TMCO4: variants seen among roughly 807,000 people sequenced by gnomAD.
TMCO4 encodes transmembrane and coiled-coil domains 4, also known as transmembrane and coiled-coil domain-containing protein 4.
A neutral mutation model predicts 64.7 loss-of-function variants in TMCO4; 58 were observed. That is an observed-to-expected ratio of 0.90 (90% CI 0.73 to 1.12). The LOEUF (loss-of-function observed/expected upper bound fraction) is 1.12, where lower values mean the gene tolerates loss of function less well. TMCO4 is among the 50% of genes most tolerant of loss of function. The pLI is 0.00. For synonymous variants in TMCO4, 325 were observed against 346.1 expected, an observed-to-expected ratio of 0.94 and a Z score of 0.68; for missense variants, 780 against 825.9, an observed-to-expected ratio of 0.94 and a Z score of 0.68.
At chr1:19,770,064 G>A (rs2042917011) in intron 6 of TMCO4, among the ~76,000 whole-genome samples, 1 of 152,242 alleles carries the variant, frequency 6.6e-6, no homozygotes, top group Admixed American at 6.5e-5. Flanking sequence ...ACACCAGAGG[G>A]GCTGATTTTT....
intron 7 of TMCO4, among the ~76,000 whole-genome samples, chr1:19,747,563 T>TTA (rs2041847922): frequency 6.6e-6 from 1 of 152,024 alleles, no homozygotes; most frequent in Non-Finnish European, 1.5e-5. Context: ...AAAAAGATCT[T>TTA]TAAACAGATG....
chr1:19,694,136 G>T (rs2095218678), intron 15 of TMCO4, among the ~76,000 whole-genome samples: 1 of 152,078 alleles, frequency 6.6e-6, no homozygotes, highest in African/African-American at 2.4e-5. Context: ...CAAGAAGCTG[G>T]GACTACAGGC....
intron 9 of TMCO4, among the ~76,000 whole-genome samples, chr1:19,746,233 G>A (rs1332394563): frequency 6.6e-6 from 1 of 152,146 alleles, no homozygotes; most frequent in Non-Finnish European, 1.5e-5. Flanking sequence ...GCCTTTCTCA[G>A]GAACTACACA....
intron 3 of TMCO4, among the ~76,000 whole-genome samples, chr1:19,784,116 T>G (rs1191713383): frequency 6.6e-6 from 1 of 152,226 alleles, no homozygotes; most frequent in African/African-American, 2.4e-5. Context: ...AGTATTTTAC[T>G]GAACTGGTAT....
rs1053869123 is a variant in TMCO4 at position 19,734,379 on chromosome 1, GGT to G, written c.1264+2991_1264+2992del. Among the ~76,000 whole-genome samples the G allele has an allele frequency of 6.6e-6, 1 of 152,100 alleles. No individual in the cohort carries two copies. The highest frequency in any genetic ancestry group is 2.4e-5 in the African/African-American group (1 of 41,414). On this transcript the variant is annotated intron_variant, in intron 13 of 15. Coordinates refer to ENST00000294543, the MANE Select transcript of TMCO4 (RefSeq NM_181719.7). This position sits in a 1 kb window ranked among gnomAD's most constrained non-coding sequence, Gnocchi z 4.4. ...GCAGATGCGTGTATGAATGTGTGCA[GGT>G]GTGTGTGTGAGTGTGCATATGTGCG...
rs1208644679 is a variant in TMCO4 at position 19,682,682 on chromosome 1, C to T, written c.*358G>A. 1.4e-5 allele frequency: 10 copies of T among 717,610 alleles called. No individual in the cohort carries two copies. Among genetic ancestry groups the T allele is most frequent in the East Asian group, 2.7e-5 (1 of 37,398 alleles). The allele number at this position is 717,610 out of a possible 1,614,324, so 44.5% of individuals were successfully genotyped here. On this transcript the variant is annotated 3_prime_UTR_variant, in exon 16 of 16. Transcript: ENST00000294543. ...GGAGCCTCAGGCCCCAGAGAGCCCTCGGGACCTCCTGATGGACAGCCAGAC... is the reference window on the plus strand; with the variant it reads ...GGAGCCTCAGGCCCCAGAGAGCCCTTGGGACCTCCTGATGGACAGCCAGAC...
intron 2 of TMCO4, among the ~76,000 whole-genome samples, chr1:19,795,032 G>A (rs1159925016): frequency 6.6e-6 from 1 of 152,168 alleles, no homozygotes; most frequent in African/African-American, 2.4e-5. Context: ...AATGGGTGTG[G>A]AGTTTCAGAT....
intron 13 of TMCO4, among the ~76,000 whole-genome samples, chr1:19,703,553 CCTCT>C (rs1557479065): frequency 4.2e-5 from 5 of 120,080 alleles, no homozygotes; most frequent in Non-Finnish European, 7.1e-5. Flanking sequence ...TTCTTTTCTT[CCTCT>C]TTTTTTTTTT....
At position 19,682,824 on chromosome 1, in the gene TMCO4, C is replaced by T. The variant is rs913033068; in HGVS notation, c.*216G>A. 1.1e-5 allele frequency: 8 copies of T among 745,370 alleles called. No homozygotes were observed. The South Asian group carries it at 1.1e-4, about 10-fold the overall frequency. 46.2% of individuals were successfully genotyped at this position (745,370 alleles called of 1,614,324 possible). ...AGGGGGCAGCTGCTCCCTGGTGGGG[C>T]TCCTCTGGGGACAGGCAGCTTCCCA... On this transcript the variant is annotated 3_prime_UTR_variant, in exon 16 of 16. Coordinates refer to ENST00000294543, the MANE Select transcript of TMCO4 (RefSeq NM_181719.7).
intron 13 of TMCO4, among the ~76,000 whole-genome samples, chr1:19,719,168 G>C (rs2095370427): frequency 6.6e-6 from 1 of 152,130 alleles, no homozygotes; most frequent in African/African-American, 2.4e-5. Context: ...TCATGGTCCG[G>C]GTTTGTAAGC....
In TMCO4 at chr1:19,740,889, G is replaced by A. The variant is rs2095476356; in HGVS notation, c.930C>T (p.Cys310=). ...AALAHSREQY[C]LAWEAKYLME... Reference sequence around the variant, plus strand: ...TCAGGTACTTGGCTTCCCAGGCCAGGCAGTACTGCTCACGGCTGTGGGCCA... The same window carrying A: ...TCAGGTACTTGGCTTCCCAGGCCAGACAGTACTGCTCACGGCTGTGGGCCA... Residue 310 remains cysteine (C), a synonymous_variant, in exon 11 of 16, where the codon TGC becomes TGT. Transcript: ENST00000294543. 1.2e-6 allele frequency: 2 copies of A among 1,614,090 alleles called. No individual in the cohort carries two copies. The highest frequency in any genetic ancestry group is 1.7e-6 in the Non-Finnish European group (2 of 1,179,996).
intron 14 of TMCO4, among the ~76,000 whole-genome samples, chr1:19,696,774 G>A (rs763119160): frequency 2.6e-5 from 4 of 152,142 alleles, no homozygotes; most frequent in Non-Finnish European, 4.4e-5. Context: ...TTGTAATTAT[G>A]ACAACATTTT....
chr1:19,769,771 G>C (rs763159331), intron 6 of TMCO4, among the ~76,000 whole-genome samples: 1 of 152,096 alleles, frequency 6.6e-6, no homozygotes, highest in Non-Finnish European at 1.5e-5. Context: ...AGCCCGCATA[G>C]TGGCTTAATG....
At chr1:19,691,891 T>C (rs1357876779) in intron 15 of TMCO4, among the ~76,000 whole-genome samples, 1 of 152,160 alleles carries the variant, frequency 6.6e-6, no homozygotes, top group East Asian at 1.9e-4. Flanking sequence ...AGTGAATACG[T>C]CTCCTGAGAT....
intron 13 of TMCO4, among the ~76,000 whole-genome samples, chr1:19,706,403 A>G (rs549937897): frequency 6.6e-6 from 1 of 152,304 alleles, no homozygotes; most frequent in South Asian, 2.1e-4. Flanking sequence ...TTGCTGAAAC[A>G]TGTTTGGGAT....
At chr1:19,747,396 T>C (rs2100889691) in intron 7 of TMCO4, 136 bp from the exon 8 acceptor site, 3 of 751,776 alleles carry the variant, frequency 4.0e-6, no homozygotes. Context: ...CAAAGTCACC[T>C]TGAGCCCACT....
At chr1:19,713,120 T>C (rs977057344) in intron 13 of TMCO4, among the ~76,000 whole-genome samples, 3 of 152,194 alleles carry the variant, frequency 2.0e-5, no homozygotes, top group Admixed American at 2.0e-4. Context: ...CTGTGCCTTC[T>C]ATGGGCCAAT....
intron 10 of TMCO4, among the ~76,000 whole-genome samples, chr1:19,745,259 G>C (rs1382383214): frequency 2.1e-5 from 3 of 141,760 alleles, no homozygotes; most frequent in Non-Finnish European, 3.1e-5. Context: ...TGAACAGGTG[G>C]GTGGATGGAT....
At chr1:19,725,806 T>A (rs1312693827) in intron 13 of TMCO4, among the ~76,000 whole-genome samples, 1 of 152,226 alleles carries the variant, frequency 6.6e-6, no homozygotes, top group African/African-American at 2.4e-5. Flanking sequence ...AGGCTGTGTG[T>A]GTGTGCCAGC....
Sources: allele counts gnomAD v4.1 joint callset (sites outside exome capture counted in the v4.1 genomes callset), GRCh38; gene constraint gnomAD v4.1.1; non-coding constraint Gnocchi (gnomAD v3.1); transcripts MANE v1.5; gene names NCBI Gene and HGNC (gene_info 2026-07-23, HGNC 2026-07-21).